Variants in CACNA2D3 observed in about 807,000 individuals in gnomAD.
The protein encoded by CACNA2D3 is calcium voltage-gated channel auxiliary subunit alpha2delta 3.
A neutral mutation model predicts 160.6 loss-of-function variants in CACNA2D3; 60 were observed. That is an observed-to-expected ratio of 0.37 (90% confidence interval 0.30 to 0.46). The LOEUF (loss-of-function observed/expected upper bound fraction) is 0.46. CACNA2D3 is among the 20% of genes least tolerant of loss of function. The pLI is 1.00. For missense variants in CACNA2D3, 1,205 were observed against 1,365.0 expected, an observed-to-expected ratio of 0.88 and a Z score of 1.85; for synonymous variants, 558 against 492.9, an observed-to-expected ratio of 1.13 and a Z score of -1.75.
intron 35 of CACNA2D3, 124 bp from the exon 36 acceptor site, chr3:55,073,321 A>AAAT: frequency 3.0e-6 from 2 of 656,638 alleles, no homozygotes; most frequent in Middle Eastern, 4.0e-4. Context: ...ATTAGTAGTA[A>AAAT]AATAGTCTCC....
intron 2 of CACNA2D3, among the ~76,000 whole-genome samples, chr3:54,313,021 C>T (rs188878032): frequency 4.6e-5 from 7 of 152,314 alleles, no homozygotes; most frequent in African/African-American, 1.7e-4. Context: ...CTAGAATCCC[C>T]TGTAGCCAGA....
chr3:55,069,372 C>T (rs1559479213), intron 35 of CACNA2D3, among the ~76,000 whole-genome samples: 1 of 152,142 alleles, frequency 6.6e-6, no homozygotes, highest in Non-Finnish European at 1.5e-5. Flanking sequence ...TTCCTTTCCA[C>T]CACCATTGTA....
intron 27 of CACNA2D3, among the ~76,000 whole-genome samples, chr3:54,934,944 G>A (rs1701292081): frequency 6.6e-6 from 1 of 152,148 alleles, no homozygotes; most frequent in Non-Finnish European, 1.5e-5. Flanking sequence ...CACAATGTTG[G>A]CCAGGCTGGT....
intron 2 of CACNA2D3, among the ~76,000 whole-genome samples, chr3:54,314,971 A>G (rs1210009929): frequency 6.6e-6 from 1 of 152,148 alleles, no homozygotes; most frequent in Non-Finnish European, 1.5e-5. Flanking sequence ...TCCTTTTCCC[A>G]GTTGAAGGAT....
rs72874263 is a variant in CACNA2D3, at chr3:54,791,435, A to G, written c.1381-25418A>G. ...ATGCAAGCTAAGTTCATATGTGATT[A>G]GACATTTTCCATTTTTAGCCTCATG... On this transcript the variant is annotated intron_variant, in intron 13 of 37. Coordinates refer to ENST00000474759, the MANE Select transcript of CACNA2D3 (RefSeq NM_018398.3). 3.8e-3 allele frequency among the ~76,000 whole-genome samples: 582 copies of G among 152,360 alleles called. 3 individuals are homozygous for G. Among genetic ancestry groups the G allele is most frequent in the African/African-American group, 0.013 (553 of 41,590 alleles).
Position 54,881,710 on chromosome 3 carries a change from T to G in CACNA2D3, c.1912+847T>G, listed in dbSNP as rs75001648. On this transcript the variant is annotated intron_variant, in intron 21 of 37. Transcript: ENST00000474759. ...AGGAGGAGTGGGCCCAGAACAGTAG[T>G]CTTTCTGGATGTCTTTAGGGAGGAC... is the stretch of plus-strand genomic sequence containing the variant. 2.9e-3 allele frequency among the ~76,000 whole-genome samples: 446 copies of G among 152,282 alleles called. 13 individuals are homozygous for G. The East Asian group carries it at 0.043, about 15-fold the overall frequency.
At chr3:54,303,818 G>GTT (rs71617795) in intron 2 of CACNA2D3, among the ~76,000 whole-genome samples, 1,437 of 114,952 alleles carry the variant, frequency 0.013, 52 homozygotes, top group Admixed American at 0.038. Flanking sequence ...CTTTTTTTCT[G>GTT]TTTTTTTTTT....
At chr3:54,259,277 C>A (rs1401152226) in intron 2 of CACNA2D3, among the ~76,000 whole-genome samples, 1 of 152,200 alleles carries the variant, frequency 6.6e-6, no homozygotes, top group Non-Finnish European at 1.5e-5. Context: ...GTGACACGGA[C>A]CTAACTGGCT....
intron 2 of CACNA2D3, among the ~76,000 whole-genome samples, chr3:54,252,977 C>A (rs1181733119): frequency 6.6e-6 from 1 of 152,290 alleles, no homozygotes; most frequent in East Asian, 1.9e-4. Context: ...AGAGACTTTG[C>A]TGGTCTTTTA....
chr3:54,620,016 C>T lies in CACNA2D3; in HGVS notation c.964-7771C>T, dbSNP rs190535904. ...TCTTGTGGTGTAATATCCAAATCAG[C>T]GGGGAGGACAGGTGTGGGCACCCTT... On this transcript the variant is annotated intron_variant, in intron 9 of 37. Coordinates refer to ENST00000474759, the MANE Select transcript of CACNA2D3 (RefSeq NM_018398.3). Among the ~76,000 whole-genome samples the T allele has an allele frequency of 8.5e-5, 13 of 152,204 alleles. No homozygotes were observed. In the East Asian group the frequency reaches 1.7e-3, roughly 20 times the overall value.
intron 18 of CACNA2D3, among the ~76,000 whole-genome samples, chr3:54,873,913 A>G (rs1168710): frequency 0.24 from 36,836 of 152,158 alleles, 8,919 homozygotes; most frequent in African/African-American, 0.63. Context: ...TGAAGTCTGC[A>G]CAAAATCTTA....
At chr3:54,266,676 A>C (rs917110916) in intron 2 of CACNA2D3, among the ~76,000 whole-genome samples, 4 of 152,216 alleles carry the variant, frequency 2.6e-5, no homozygotes, top group Non-Finnish European at 5.9e-5. Context: ...AGAAGGACAG[A>C]ATTCAAGGCC....
At chr3:54,500,309 T>A (rs1041004057) in intron 4 of CACNA2D3, among the ~76,000 whole-genome samples, 4 of 152,214 alleles carry the variant, frequency 2.6e-5, no homozygotes, top group African/African-American at 4.8e-5. Context: ...GGGCTTCTTA[T>A]GGACAAAATA....
At chr3:54,496,779 G>A (rs945098128) in intron 4 of CACNA2D3, among the ~76,000 whole-genome samples, 4 of 152,070 alleles carry the variant, frequency 2.6e-5, no homozygotes, top group Non-Finnish European at 5.9e-5. Flanking sequence ...TTACATTTAA[G>A]TCTGTCATCC....
At chr3:54,124,996 C>G (rs1004654679) in intron 2 of CACNA2D3, among the ~76,000 whole-genome samples, 1 of 152,200 alleles carries the variant, frequency 6.6e-6, no homozygotes, top group Non-Finnish European at 1.5e-5. Context: ...ATTTTGCCCA[C>G]TTGTCAGATG....
intron 3 of CACNA2D3, among the ~76,000 whole-genome samples, chr3:54,321,975 C>T (rs1704012777): frequency 6.8e-6 from 1 of 146,794 alleles, no homozygotes; most frequent in East Asian, 2.0e-4. Flanking sequence ...GAGAGGGGGA[C>T]ATATTATTTT....
intron 2 of CACNA2D3, among the ~76,000 whole-genome samples, chr3:54,143,040 T>C (rs1699966010): frequency 6.6e-6 from 1 of 152,242 alleles, no homozygotes; most frequent in South Asian, 2.1e-4. Flanking sequence ...AAAAGCAGGC[T>C]GTGACTAGGT....
intron 5 of CACNA2D3, among the ~76,000 whole-genome samples, chr3:54,504,406 C>T (rs1559499650): frequency 6.6e-6 from 1 of 152,174 alleles, no homozygotes; most frequent in Non-Finnish European, 1.5e-5. Context: ...GTCACCTCAT[C>T]TTTTTAGGTC....
chr3:55,046,135 C>T (rs358457), intron 35 of CACNA2D3, among the ~76,000 whole-genome samples: 23,260 of 146,942 alleles, frequency 0.16, 2,002 homozygotes, highest in African/African-American at 0.21. Flanking sequence ...AGTTTTAGGG[C>T]ACATGTGCAC....
Sources: gnomAD v4.1 joint callset for allele counts (sites outside exome capture counted in the v4.1 genomes callset) on GRCh38, gnomAD v4.1.1 for gene constraint, MANE v1.5 for transcripts, NCBI Gene and HGNC (gene_info 2026-07-23, HGNC 2026-07-21) for gene names.